CD109: variants seen among roughly 807,000 people sequenced by gnomAD.
The protein encoded by CD109 is CD109 antigen.
CD109 carries 149 observed loss-of-function variants against 165.8 expected under a neutral mutation model. The observed-to-expected ratio is 0.90, with a 90% CI of 0.79 to 1.03. CD109 has a LOEUF of 1.03. CD109 is among the 50% of genes least tolerant of loss of function. CD109 has a pLI of 0.00. For missense variants in CD109, 1,712 were observed against 1,677.8 expected, an observed-to-expected ratio of 1.02 and a Z score of -0.36; for synonymous variants, 585 against 592.1, an observed-to-expected ratio of 0.99 and a Z score of 0.18.
At chr6:73,756,610 T>C (rs752703708) in intron 5 of CD109, 33 bp from the exon 6 acceptor site, 2 of 1,458,932 alleles carry the variant, frequency 1.4e-6, no homozygotes, top group Non-Finnish European at 9.3e-7. Context: ...ACTCATATAC[T>C]TTCCTGTCTT....
chr6:73,698,947 T>C lies in CD109; in HGVS notation c.247+1375T>C, dbSNP rs1205299833. Among the ~76,000 whole-genome samples the C allele has an allele frequency of 3.3e-5, 5 of 152,172 alleles. No homozygotes were observed. In the South Asian group the frequency reaches 8.3e-4, roughly 25 times the overall value. ...CTGATTTCCCAGGGCAGTTATAAAG[T>C]TAAAATCTGTATATAGTACCTCTTA... is the stretch of plus-strand genomic sequence containing the variant. On this transcript the variant is annotated intron_variant, in intron 2 of 32. Coordinates refer to ENST00000287097, the MANE Select transcript of CD109 (RefSeq NM_133493.5).
At chr6:73,715,849 A>C (rs1771723389) in intron 2 of CD109, among the ~76,000 whole-genome samples, 1 of 152,176 alleles carries the variant, frequency 6.6e-6, no homozygotes, top group Admixed American at 6.5e-5. Flanking sequence ...TTGTGCTATC[A>C]AATACTAGGT....
At chr6:73,746,232 T>C (rs905931012) in intron 5 of CD109, among the ~76,000 whole-genome samples, 1 of 152,160 alleles carries the variant, frequency 6.6e-6, no homozygotes, top group African/African-American at 2.4e-5. Flanking sequence ...TTATTTTCAG[T>C]GGCATAGAGG....
intron 7 of CD109, among the ~76,000 whole-genome samples, chr6:73,761,343 A>C (rs1773624520): frequency 6.6e-6 from 1 of 152,126 alleles, no homozygotes; most frequent in Admixed American, 6.5e-5. Flanking sequence ...AGATTTATGT[A>C]ATCTTTAAAA....
At chr6:73,695,869 T>C (rs1231970864), upstream of CD109, 2 of 345,378 alleles carry the variant, frequency 5.8e-6, no homozygotes, top group South Asian at 2.4e-5. Flanking sequence ...GTAAACAGCC[T>C]GAGGAACCCG....
At chr6:73,769,178 C>T (rs1582130276) in intron 14 of CD109, among the ~76,000 whole-genome samples, 1 of 152,192 alleles carries the variant, frequency 6.6e-6, no homozygotes, top group Non-Finnish European at 1.5e-5. Context: ...ACATGAGCCA[C>T]TGCGCCAGGC....
intron 19 of CD109, among the ~76,000 whole-genome samples, chr6:73,784,502 T>G (rs1427753068): frequency 1.3e-5 from 2 of 152,168 alleles, no homozygotes; most frequent in African/African-American, 4.8e-5. Context: ...AATTTTTCAT[T>G]GTCTGGGGCT....
intron 2 of CD109, among the ~76,000 whole-genome samples, chr6:73,711,210 A>G (rs1329408637): frequency 6.7e-6 from 1 of 149,814 alleles, no homozygotes; most frequent in Non-Finnish European, 1.5e-5. Context: ...GTACCATTTT[A>G]TTTATTTTAC....
At chr6:73,776,984 ATTTTTT>A (rs36173181) in intron 15 of CD109, among the ~76,000 whole-genome samples, 8 of 102,914 alleles carry the variant, frequency 7.8e-5, no homozygotes, top group African/African-American at 1.2e-4. Flanking sequence ...TCCTTTGCCC[ATTTTTT>A]TTTTTTTTTT....
At chr6:73,802,939 A>G (rs1052451507) in intron 23 of CD109, among the ~76,000 whole-genome samples, 5 of 152,096 alleles carry the variant, frequency 3.3e-5, no homozygotes. Flanking sequence ...ACTTCAGGCA[A>G]TCCACCTGCT....
intron 2 of CD109, among the ~76,000 whole-genome samples, chr6:73,715,250 A>T (rs983910109): frequency 1.3e-5 from 2 of 151,752 alleles, no homozygotes; most frequent in African/African-American, 4.8e-5. Flanking sequence ...ACAGAGCAAG[A>T]CTCTGTCTCA....
chr6:73,757,744 C>A (rs72955232), intron 6 of CD109, among the ~76,000 whole-genome samples: 16,566 of 152,182 alleles, frequency 0.11, 1,155 homozygotes, highest in Non-Finnish European at 0.15. Context: ...TGAAAAGATA[C>A]TATTTTAGAT....
At chr6:73,757,405 G>A (rs1035105736) in intron 6 of CD109, among the ~76,000 whole-genome samples, 2 of 152,082 alleles carry the variant, frequency 1.3e-5, no homozygotes, top group Non-Finnish European at 2.9e-5. Flanking sequence ...CATGAATGTT[G>A]CTGTGGTTCA....
At chr6:73,798,736 G>A (rs1215533083) in intron 23 of CD109, among the ~76,000 whole-genome samples, 1 of 152,090 alleles carries the variant, frequency 6.6e-6, no homozygotes, top group African/African-American at 2.4e-5. Context: ...TATTAATGGG[G>A]AATGTTGGAG....
chr6:73,731,238 G>A (rs1174271946), intron 4 of CD109, among the ~76,000 whole-genome samples: 1 of 152,166 alleles, frequency 6.6e-6, no homozygotes, highest in East Asian at 1.9e-4. Flanking sequence ...TAGAGACGGG[G>A]TTTCACCATG....
intron 5 of CD109, among the ~76,000 whole-genome samples, chr6:73,742,191 C>T (rs965476978): frequency 6.8e-6 from 1 of 146,818 alleles, no homozygotes; most frequent in African/African-American, 2.6e-5. Flanking sequence ...TCCCACCCCC[C>T]AGCCCCTGGC....
At chr6:73,683,107 C>A in the CD109 span, among the ~76,000 whole-genome samples, 101 of 152,348 alleles carry the variant, frequency 6.6e-4, no homozygotes, top group African/African-American at 2.2e-3. Flanking sequence ...ATGCAAATTT[C>A]TGCAGCTGGT....
At position 73,792,635 on chromosome 6, in the gene CD109, T is replaced by G; in HGVS notation, c.2711T>G (p.Leu904Arg). The change falls in exon 23 of 33, where the codon CTT becomes CGT. Residue 904 changes from leucine to arginine, a missense_variant. Physicochemically the swap from Leu to Arg is moderately radical, Grantham distance 102 (BLOSUM62 -2). Coordinates refer to ENST00000287097, the MANE Select transcript of CD109 (RefSeq NM_133493.5). ...RVQITAIGDV[L>R]GPSINGLASL... is the part of the protein sequence containing the mutation. ...TGTCTTGTGCTTCCAGGAGATGTTCTTGGTCCTTCCATCAATGGCTTAGCC... is the reference window on the plus strand; with the variant it reads ...TGTCTTGTGCTTCCAGGAGATGTTCGTGGTCCTTCCATCAATGGCTTAGCC... 6.2e-7 allele frequency: 1 copy of G among 1,612,876 alleles called. No homozygotes were observed. Among genetic ancestry groups the G allele is most frequent in the Admixed American group, 1.7e-5 (1 of 59,932 alleles).
chr6:73,729,758 C>A (rs1027713319), intron 3 of CD109, among the ~76,000 whole-genome samples: 24 of 152,024 alleles, frequency 1.6e-4, no homozygotes, highest in Admixed American at 1.6e-3. Flanking sequence ...AGGTGATCTG[C>A]CTGCCTTGGT....
Sources: allele counts gnomAD v4.1 joint callset (sites outside exome capture counted in the v4.1 genomes callset), GRCh38; gene constraint gnomAD v4.1.1; transcripts MANE v1.5; gene names NCBI Gene and HGNC (gene_info 2026-07-23, HGNC 2026-07-21).